The following RIMBP2 variants were observed in gnomAD, a reference collection of about 807,000 sequenced individuals.
RIMBP2 encodes the protein RIMS binding protein 2, also known as RIMS-binding protein 2.
In RIMBP2, 48 loss-of-function variants were observed where a neutral mutation model predicts 118.6. That is an observed-to-expected ratio of 0.40 (90% CI 0.32 to 0.51). RIMBP2 has a LOEUF of 0.51. Ranked by LOEUF, RIMBP2 falls within the 20% of genes least tolerant of loss-of-function variation. The probability of loss-of-function intolerance (pLI) is 0.41; values close to 1 mark genes in which losing one functional copy is unlikely to be tolerated. For synonymous variants in RIMBP2, 762 were observed against 742.9 expected, an observed-to-expected ratio of 1.03 and a Z score of -0.42; for missense variants, 1,551 against 1,768.3, an observed-to-expected ratio of 0.88 and a Z score of 2.20.
chr12:130,704,977 G>A (rs2066031067), intron 1 of RIMBP2, among the ~76,000 whole-genome samples: 1 of 152,168 alleles, frequency 6.6e-6, no homozygotes, highest in African/African-American at 2.4e-5. Context: ...AAAACTGGGA[G>A]GCTCAAAACA....
chr12:130,402,962 T>C (rs1206471037), intron 21 of RIMBP2, among the ~76,000 whole-genome samples: 2 of 152,140 alleles, frequency 1.3e-5, no homozygotes, highest in African/African-American at 4.8e-5. Flanking sequence ...TGGGGGCTGA[T>C]GTAAATTATG....
At chr12:130,401,044 G>C (rs1244996258) in intron 21 of RIMBP2, among the ~76,000 whole-genome samples, 1 of 152,210 alleles carries the variant, frequency 6.6e-6, no homozygotes, top group Non-Finnish European at 1.5e-5. Flanking sequence ...TCTGTAGACG[G>C]ATGGTGGTGA....
At chr12:130,632,458 A>T (rs1316435216) in intron 1 of RIMBP2, among the ~76,000 whole-genome samples, 1 of 152,128 alleles carries the variant, frequency 6.6e-6, no homozygotes, top group Non-Finnish European at 1.5e-5. Flanking sequence ...CTGGCTTCTC[A>T]ATGCATTTAG....
At chr12:130,558,923 A>T (rs943390461) in intron 2 of RIMBP2, among the ~76,000 whole-genome samples, 1 of 152,220 alleles carries the variant, frequency 6.6e-6, no homozygotes, top group African/African-American at 2.4e-5. Flanking sequence ...GAAATTGTCA[A>T]GTAGGTTAGA....
At chr12:130,536,574 G>A (rs918541682) in intron 2 of RIMBP2, among the ~76,000 whole-genome samples, 7 of 152,150 alleles carry the variant, frequency 4.6e-5, no homozygotes, top group African/African-American at 9.7e-5. Context: ...CAGATTGGCC[G>A]ACTTCTGCAA....
chr12:130,603,147 C>T (rs1332362409), intron 2 of RIMBP2, among the ~76,000 whole-genome samples: 1 of 152,182 alleles, frequency 6.6e-6, no homozygotes, highest in Admixed American at 6.5e-5. Context: ...ACATGGCCAT[C>T]ACTAGCCATC....
intron 9 of RIMBP2, among the ~76,000 whole-genome samples, chr12:130,448,264 G>T (rs2078706277): frequency 6.6e-6 from 1 of 152,170 alleles, no homozygotes; most frequent in Non-Finnish European, 1.5e-5. Flanking sequence ...CCCGCTTCTG[G>T]AGCCACACCA....
Position 130,467,740 on chromosome 12 carries a change from C to T in RIMBP2, c.153+2953G>A, listed in dbSNP as rs551445929. Among the ~76,000 whole-genome samples the T allele has an allele frequency of 4.6e-4, 70 of 152,242 alleles. 2 individuals carry two copies. The South Asian group carries it at 1.0e-2, about 22-fold the overall frequency. On this transcript the variant is annotated intron_variant, in intron 6 of 22. Coordinates refer to ENST00000690449, the MANE Select transcript of RIMBP2 (RefSeq NM_001393629.1). ...TTCAAGTTGTCTCACCTTTCCAGAC[C>T]GAACCAATGTACATCTTATACTTAT... is the stretch of plus-strand genomic sequence containing the variant.
chr12:130,679,844 G>A (rs2064684380), intron 1 of RIMBP2, among the ~76,000 whole-genome samples: 2 of 152,214 alleles, frequency 1.3e-5, no homozygotes, highest in African/African-American at 2.4e-5. Flanking sequence ...GGAAGGACCT[G>A]TGACTGTGAC....
intron 4 of RIMBP2, among the ~76,000 whole-genome samples, chr12:130,479,932 C>T (rs944564200): frequency 5.3e-5 from 8 of 151,942 alleles, no homozygotes; most frequent in South Asian, 4.2e-4. Context: ...ACGGGTCTCA[C>T]GAGCCCAGAG....
chr12:130,538,815 C>A (rs4565942), intron 2 of RIMBP2, among the ~76,000 whole-genome samples: 1 of 152,036 alleles, frequency 6.6e-6, no homozygotes, highest in Non-Finnish European at 1.5e-5. Flanking sequence ...CAGTGACAAA[C>A]GTGGCTTCCT....
intron 2 of RIMBP2, among the ~76,000 whole-genome samples, chr12:130,627,819 G>A (rs2061737227): frequency 2.0e-5 from 3 of 152,104 alleles, no homozygotes; most frequent in Admixed American, 1.3e-4. Flanking sequence ...CCTGGTGCAG[G>A]CCACCCTTGC....
chr12:130,528,797 G>A (rs559908773), intron 2 of RIMBP2, among the ~76,000 whole-genome samples: 9 of 152,260 alleles, frequency 5.9e-5, no homozygotes, highest in African/African-American at 1.9e-4. Flanking sequence ...ACTTAGGAGA[G>A]AACAATTATG....
At chr12:130,625,577 C>T (rs2061572258) in intron 2 of RIMBP2, among the ~76,000 whole-genome samples, 1 of 152,176 alleles carries the variant, frequency 6.6e-6, no homozygotes, top group Non-Finnish European at 1.5e-5. Flanking sequence ...ATTGCTCTCC[C>T]TTCATGGTGA....
At chr12:130,520,680 A>G (rs12826261) in intron 2 of RIMBP2, among the ~76,000 whole-genome samples, 8,279 of 149,276 alleles carry the variant, frequency 0.055, 301 homozygotes, top group South Asian at 0.15. Flanking sequence ...CTCAAAAAAA[A>G]AAAAAAAAAA....
chr12:130,460,190 G>T (rs1386905669), intron 6 of RIMBP2, among the ~76,000 whole-genome samples: 1 of 152,124 alleles, frequency 6.6e-6, no homozygotes, highest in Non-Finnish European at 1.5e-5. Flanking sequence ...GTTCATCAGG[G>T]CCGGGTTCCC....
chr12:130,502,324 T>C (rs2049878080), intron 4 of RIMBP2, among the ~76,000 whole-genome samples: 1 of 152,234 alleles, frequency 6.6e-6, no homozygotes, highest in Non-Finnish European at 1.5e-5. Context: ...GCAGTCTTAT[T>C]GGGACGGGGG....
intron 2 of RIMBP2, among the ~76,000 whole-genome samples, chr12:130,610,505 C>T (rs2060458727): frequency 7.0e-6 from 1 of 143,536 alleles, no homozygotes; most frequent in Non-Finnish European, 1.5e-5. Flanking sequence ...TAGCAATGTA[C>T]AAGAGACTAA....
At chr12:130,522,555 G>A (rs1182522031) in intron 2 of RIMBP2, among the ~76,000 whole-genome samples, 1 of 152,226 alleles carries the variant, frequency 6.6e-6, no homozygotes, top group Non-Finnish European at 1.5e-5. Flanking sequence ...CACATACCAT[G>A]GGCTCCTTCC....
Sources: allele counts gnomAD v4.1 joint callset (sites outside exome capture counted in the v4.1 genomes callset), GRCh38; gene constraint gnomAD v4.1.1; transcripts MANE v1.5; gene names NCBI Gene and HGNC (gene_info 2026-07-23, HGNC 2026-07-21).